LPIN1: variants seen among roughly 807,000 people sequenced by gnomAD.
LPIN1 encodes the protein phosphatidate phosphatase LPIN1.
LPIN1 carries 71 observed loss-of-function variants against 107.5 expected under a neutral mutation model. The ratio of observed to expected loss-of-function variants is 0.66; its 90% CI spans 0.55 to 0.80. The LOEUF (loss-of-function observed/expected upper bound fraction) is 0.80. LPIN1 is among the 30% of genes least tolerant of loss of function. The probability of loss-of-function intolerance (pLI) is 0.00; values close to 1 mark genes in which losing one functional copy is unlikely to be tolerated. For missense variants in LPIN1, 1,043 were observed against 1,160.6 expected, an observed-to-expected ratio of 0.90 and a Z score of 1.47; for synonymous variants, 445 against 452.6, an observed-to-expected ratio of 0.98 and a Z score of 0.21.
At chr2:11,751,041 G>T (rs754313742) in intron 1 of LPIN1, among the ~76,000 whole-genome samples, 1 of 152,210 alleles carries the variant, frequency 6.6e-6, no homozygotes, top group African/African-American at 2.4e-5. Flanking sequence ...CCAAAGGATC[G>T]GAGTCAAAGC....
intron 1 of LPIN1, among the ~76,000 whole-genome samples, chr2:11,709,607 A>C (rs1270466293): frequency 6.6e-6 from 1 of 152,212 alleles, no homozygotes; most frequent in African/African-American, 2.4e-5. Flanking sequence ...TTTCTTCAGT[A>C]ATGCTATAGT....
Position 11,803,187 on chromosome 2 carries a change from C to A in LPIN1, c.2013+154C>A, listed in dbSNP as rs1678084772. ...CAACTGGGTACCCGCTGTTTCCACC[C>A]CAACTCCAGCACTATCCAGGCTGGG... On this transcript the variant is annotated intron_variant, in intron 15 of 20. Transcript: ENST00000674199. The surrounding 1 kb of genome is among the most constrained non-coding windows in gnomAD (Gnocchi z 4.2). Among the ~76,000 whole-genome samples the A allele has an allele frequency of 6.6e-6, 1 of 152,232 alleles. No homozygotes were observed. Among genetic ancestry groups the A allele is most frequent in the Non-Finnish European group, 1.5e-5 (1 of 68,048 alleles).
intron 1 of LPIN1, among the ~76,000 whole-genome samples, chr2:11,698,733 T>C (rs958411326): frequency 5.3e-5 from 8 of 152,256 alleles, no homozygotes; most frequent in African/African-American, 1.9e-4. Context: ...TCTCTGGTAT[T>C]TTGGACGAGG....
At chr2:11,789,172 C>T (rs1675201248) in intron 12 of LPIN1, among the ~76,000 whole-genome samples, 1 of 152,230 alleles carries the variant, frequency 6.6e-6, no homozygotes, top group Non-Finnish European at 1.5e-5. Flanking sequence ...TTTTGTATGG[C>T]TTAGGATGTT....
intron 1 of LPIN1, among the ~76,000 whole-genome samples, chr2:11,764,534 C>G (rs1448122709): frequency 6.6e-6 from 1 of 152,184 alleles, no homozygotes; most frequent in Middle Eastern, 3.2e-3. Context: ...TGGTGTGGCC[C>G]CAGGCCCTGT....
chr2:11,693,807 TATATATATATATATA>T lies in LPIN1; in HGVS notation c.81+16080_81+16094del, dbSNP rs1306548399. Among the ~76,000 whole-genome samples the T allele has an allele frequency of 1.3e-3, 35 of 26,892 alleles. 1 individual carries two copies. The highest frequency in any genetic ancestry group is 0.011 in the South Asian group (5 of 442). The allele number at this position is 26,892 out of a possible 152,430, so 17.6% of individuals were successfully genotyped here. On this transcript the variant is annotated intron_variant, in intron 1 of 21. Coordinates refer to the LPIN1 transcript ENST00000449576. ...GAGTGTGTATATATATATATATATATATATATATATATATATTTTTTTTTTTTTTTTTTTTTTTTT... is the reference window on the plus strand; with the variant it reads ...GAGTGTGTATATATATATATATATATTTTTTTTTTTTTTTTTTTTTTTTTT...
At position 11,681,437 on chromosome 2, in the gene LPIN1, C is replaced by A. The variant is rs140865484; in HGVS notation, c.81+3709C>A. On this transcript the variant is annotated intron_variant, in intron 1 of 21. Transcript: ENST00000449576. ...ACCTCCTTCTATTGTCTTCCTCTTC[C>A]TCCTGCTCCGGCCATATAGGACGTG... 1.4e-4 allele frequency: 21 copies of A among 154,618 alleles called. No homozygotes were observed. The East Asian group carries it at 2.3e-3, about 17-fold the overall frequency. 9.6% of individuals were successfully genotyped at this position (154,618 alleles called of 1,614,324 possible).
At chr2:11,762,513 C>A (rs2148611342) in intron 1 of LPIN1, among the ~76,000 whole-genome samples, 1 of 152,230 alleles carries the variant, frequency 6.6e-6, no homozygotes, top group South Asian at 2.1e-4. Context: ...TGTGGTCCAG[C>A]CCCCATCCTC....
intron 1 of LPIN1, among the ~76,000 whole-genome samples, chr2:11,713,567 G>A (rs185442328): frequency 2.7e-4 from 41 of 152,240 alleles, no homozygotes; most frequent in African/African-American, 7.5e-4. Flanking sequence ...CACTGTGCCC[G>A]GTCACACATT....
At chr2:11,732,375 T>C (rs1665321270) in intron 1 of LPIN1, among the ~76,000 whole-genome samples, 1 of 152,244 alleles carries the variant, frequency 6.6e-6, no homozygotes, top group South Asian at 2.1e-4. Context: ...GTGGACCCTT[T>C]GGACTTCTGG....
intron 12 of LPIN1, among the ~76,000 whole-genome samples, chr2:11,789,573 T>C (rs1572845820): frequency 6.6e-6 from 1 of 152,046 alleles, no homozygotes; most frequent in Admixed American, 6.6e-5. Flanking sequence ...CGTGTGTGTG[T>C]GCGTGTGTGT....
At chr2:11,751,889 G>T (rs772250543) in intron 1 of LPIN1, among the ~76,000 whole-genome samples, 2 of 151,720 alleles carry the variant, frequency 1.3e-5, no homozygotes, top group African/African-American at 2.4e-5. Flanking sequence ...AACCACAATG[G>T]GTCCATATTA....
chr2:11,728,225 C>T (rs1664850651), intron 1 of LPIN1, among the ~76,000 whole-genome samples: 1 of 152,188 alleles, frequency 6.6e-6, no homozygotes, highest in Admixed American at 6.5e-5. Context: ...CATGTATCCA[C>T]ATCACAGTTC....
intron 13 of LPIN1, chr2:11,792,497 C>A: frequency 5.2e-6 from 1 of 191,194 alleles, no homozygotes; most frequent in Non-Finnish European, 1.1e-5. Flanking sequence ...ATCCTCCCAT[C>A]TCAGCCTCTA....
intron 1 of LPIN1, chr2:11,677,800 G>A (rs1025548573): frequency 1.2e-5 from 15 of 1,276,986 alleles, no homozygotes; most frequent in African/African-American, 5.9e-5. Context: ...AGGTGCCCGC[G>A]TACTGATGGG....
At chr2:11,713,615 G>T in intron 1 of LPIN1, 3 of 575,012 alleles carry the variant, frequency 5.2e-6, no homozygotes, top group South Asian at 2.3e-5. Flanking sequence ...TTGGCATATA[G>T]CCTACATACC....
At chr2:11,687,855 G>T (rs1289218269) in intron 1 of LPIN1, among the ~76,000 whole-genome samples, 1 of 152,256 alleles carries the variant, frequency 6.6e-6, no homozygotes, top group Non-Finnish European at 1.5e-5. Context: ...CCATGGCAGG[G>T]CCGCAGCTAA....
At chr2:11,741,053 G>C (rs1206955411) in intron 1 of LPIN1, 2 of 240,816 alleles carry the variant, frequency 8.3e-6, no homozygotes, top group South Asian at 1.5e-4. Flanking sequence ...GCACGAAAGA[G>C]ATCTTCCTCA....
intron 1 of LPIN1, among the ~76,000 whole-genome samples, chr2:11,684,050 T>A (rs1661869302): frequency 6.6e-6 from 1 of 152,218 alleles, no homozygotes; most frequent in Non-Finnish European, 1.5e-5. Context: ...CCAGGCAAAG[T>A]ATCCATTTAG....
Sources: gnomAD v4.1 joint callset for allele counts (sites outside exome capture counted in the v4.1 genomes callset) on GRCh38, gnomAD v4.1.1 for gene constraint, Gnocchi (gnomAD v3.1) non-coding constraint, MANE v1.5 for transcripts, NCBI Gene and HGNC (gene_info 2026-07-23, HGNC 2026-07-21) for gene names.